The following SH2D2A variants were observed in gnomAD, a reference collection of about 807,000 sequenced individuals.
The protein encoded by SH2D2A is SH2 domain containing 2A, also known as SH2 domain-containing protein 2A.
In SH2D2A, 33 loss-of-function variants were observed where a neutral mutation model predicts 43.6. The ratio of observed to expected loss-of-function variants is 0.76; its 90% CI spans 0.57 to 1.01. The LOEUF (loss-of-function observed/expected upper bound fraction) is 1.01, where lower values mean the gene tolerates loss of function less well. Among genes scored for constraint, SH2D2A ranks in the 50% least tolerant of loss-of-function variants. The pLI is 0.00. For synonymous variants in SH2D2A, 212 were observed against 206.1 expected (o/e 1.03, Z -0.25); for missense variants, 491 against 503.1 (o/e 0.98, Z 0.23).
intron 1 of SH2D2A, 32 bp downstream of exon 1, chr1:156,816,643 C>T (rs752878520): frequency 5.0e-6 from 8 of 1,594,356 alleles, no homozygotes; most frequent in Non-Finnish European, 6.8e-6. Context: ...TTTGTGCCCC[C>T]TCCCACCCAT....
At chr1:156,815,895 C>T (rs1287949868) in intron 2 of SH2D2A, 111 bp downstream of exon 2, 1 of 1,613,250 alleles carries the variant, frequency 6.2e-7, no homozygotes, top group African/African-American at 1.3e-5. Flanking sequence ...AGACCCGGAT[C>T]ATTCCTGCCT....
rs759515336 is a variant in SH2D2A at position 156,813,933 on chromosome 1, G to A, written c.482C>T (p.Ala161Val). The change falls in exon 5 of 9, where the codon GCG (alanine) becomes GTG (valine). Residue 161 changes from alanine to valine, a missense_variant. Ala to Val is a moderately conservative substitution (Grantham distance 64, BLOSUM62 0). Transcript: ENST00000368199. ...HVVLGEDSAH[A>V]RLQDLLLHYT... Reference sequence around the variant, plus strand: ...GTGCAGCAGCAGGTCCTGCAGCCGCGCGTGGGCGCTGTCCTCGCCCAGCAC... The same window carrying A: ...GTGCAGCAGCAGGTCCTGCAGCCGCACGTGGGCGCTGTCCTCGCCCAGCAC... 1.8e-5 allele frequency: 27 copies of A among 1,535,740 alleles called. No individual in the cohort carries two copies. In the Admixed American group the frequency reaches 4.9e-4, roughly 28 times the overall value.
intron 2 of SH2D2A, 53 bp downstream of exon 2, chr1:156,815,953 G>A (rs1279597292): frequency 1.3e-6 from 2 of 1,568,736 alleles, no homozygotes; most frequent in South Asian, 1.1e-5. Context: ...CCCATGGGAG[G>A]GTGGGAGAGA....
intron 3 of SH2D2A, 21 bp downstream of exon 3, chr1:156,815,016 A>G (rs1653757888): frequency 6.9e-7 from 1 of 1,451,872 alleles, no homozygotes; most frequent in Non-Finnish European, 9.1e-7. Flanking sequence ...GTCTGGGCCA[A>G]TTTCCTCCTC....
In SH2D2A at chr1:156,809,804, G is replaced by A. The variant is rs779097290; in HGVS notation, c.571C>T (p.Pro191Ser). The change falls in exon 6 of 9, where the codon CCT (proline) becomes TCT (serine). Residue 191 changes from proline (P) to serine (S), a missense_variant. Transcript: ENST00000368199. The surrounding 1 kb of genome is among the most constrained non-coding windows in gnomAD (Gnocchi z 4.8). The part of the protein sequence containing the change: ...TLTEPLARQT[P>S]EPAGLSLRTE... Reference sequence around the variant, plus strand: ...CTCAGGGAAAGTCCTGCAGGCTCAGGAGTCTGCTGGGAAAGAAGGAGGTCT... The same window carrying A: ...CTCAGGGAAAGTCCTGCAGGCTCAGAAGTCTGCTGGGAAAGAAGGAGGTCT... 1 of 1,613,834 alleles carries A rather than the reference G, an allele frequency of 6.2e-7. No homozygotes were observed. The highest frequency in any genetic ancestry group is 8.5e-7 in the Non-Finnish European group (1 of 1,179,886).
Position 156,807,450 on chromosome 1 carries a change from A to G in SH2D2A, c.1003-105T>C. 2 of 965,298 alleles carry G rather than the reference A, an allele frequency of 2.1e-6. No homozygotes were observed. Among genetic ancestry groups the G allele is most frequent in the African/African-American group, 3.3e-5 (2 of 60,588 alleles). The allele number at this position is 965,298 out of a possible 1,614,324, so 59.8% of individuals were successfully genotyped here. A position where few individuals can be genotyped will look rare whatever the true frequency, so the allele number is the denominator to read the frequency against. On this transcript the variant is annotated intron_variant, in intron 7 of 8. Transcript: ENST00000368199. The surrounding 1 kb of genome is among the most constrained non-coding windows in gnomAD (Gnocchi z 5.1). ...TCTGAACAGACTTTGGCTTCCAGAG[A>G]GGGTATCTAAACTCCTCTCATTCAT...
intron 2 of SH2D2A, 28 bp from the exon 3 acceptor site, chr1:156,815,249 G>A: frequency 6.9e-7 from 1 of 1,444,388 alleles, no homozygotes; most frequent in Non-Finnish European, 9.2e-7. Context: ...TCAAGGAGGG[G>A]GAAGCAGCAT....
rs1210151348 is a variant in SH2D2A at position 156,807,202 on chromosome 1, C to G, written c.1146G>C (p.Trp382Cys). 2 of 1,612,570 alleles carry G rather than the reference C, an allele frequency of 1.2e-6. No homozygotes were observed. Among genetic ancestry groups the G allele is most frequent in the Non-Finnish European group, 1.7e-6 (2 of 1,179,842 alleles). ...RQVLQDRGQA[W>C]LPLGPPQ ...CCTACTGAGGAGGCCCAAGGGGAAG[C>G]CATGCCTGTCCTCTGTCCTGAAGCA... The change falls in exon 8 of 9, where the codon TGG (tryptophan) becomes TGC (cysteine). Residue 382 changes from tryptophan to cysteine, a missense_variant. By Grantham distance (215) the Trp-to-Cys change is radical. Coordinates refer to ENST00000368199, the MANE Select transcript of SH2D2A (RefSeq NM_003975.4). The surrounding 1 kb of genome is among the most constrained non-coding windows in gnomAD (Gnocchi z 5.1).
In SH2D2A at chr1:156,809,735, G is replaced by A. The variant is rs1395189813; in HGVS notation, c.640C>T (p.Pro214Ser). Residue 214 changes from proline to serine, a missense_variant, in exon 6 of 9, where the codon CCC becomes TCC. Coordinates refer to ENST00000368199, the MANE Select transcript of SH2D2A (RefSeq NM_003975.4). This position sits in a 1 kb window ranked among gnomAD's most constrained non-coding sequence, Gnocchi z 4.8. The stretch of plus-strand genomic sequence containing the variant: ...TGTTTGATGATTGGGCTGTACTGGG[G>A]GTTTGGGTCCTGGCTTTTGCTTCCA... ...NFGSKSQDPN[P>S]QYSPIIKQGQ... 4 of 1,614,004 alleles carry A rather than the reference G, an allele frequency of 2.5e-6. No individual in the cohort carries two copies. The highest frequency in any genetic ancestry group is 3.4e-6 in the Non-Finnish European group (4 of 1,180,012).
rs1019025114 is a variant in SH2D2A at position 156,807,778 on chromosome 1, G to A, written c.1003-433C>T. Reference sequence around the variant, plus strand: ...AGTTGCTATAGGCAGAGATACTGGCGGGTGCAAACCCCAGGAGGCTTGAAA... The same window carrying A: ...AGTTGCTATAGGCAGAGATACTGGCAGGTGCAAACCCCAGGAGGCTTGAAA... On this transcript the variant is annotated intron_variant, in intron 7 of 8. Coordinates refer to ENST00000368199, the MANE Select transcript of SH2D2A (RefSeq NM_003975.4). This position sits in a 1 kb window ranked among gnomAD's most constrained non-coding sequence, Gnocchi z 5.1. Among the ~76,000 whole-genome samples, 1 of 152,190 alleles carries A rather than the reference G, an allele frequency of 6.6e-6. No homozygotes were observed. The highest frequency in any genetic ancestry group is 2.1e-4 in the South Asian group (1 of 4,830).
chr1:156,808,233 G>A (rs1464047735), intron 7 of SH2D2A, among the ~76,000 whole-genome samples: 1 of 152,152 alleles, frequency 6.6e-6, no homozygotes, highest in African/African-American at 2.4e-5. Context: ...GGAGTAAAGA[G>A]GGAGCTGTGC....
chr1:156,814,967 C>A, intron 3 of SH2D2A, 70 bp downstream of exon 3: 2 of 1,324,900 alleles, frequency 1.5e-6, no homozygotes, highest in South Asian at 1.8e-5. Flanking sequence ...CTATTCCTGG[C>A]AGGTGGCAGG....
chr1:156,808,549 G>T (rs1446084588), intron 7 of SH2D2A, among the ~76,000 whole-genome samples: 3 of 152,140 alleles, frequency 2.0e-5, no homozygotes, highest in East Asian at 3.9e-4. Flanking sequence ...ATGGGGAAGG[G>T]TCTGAGGAGG....
chr1:156,807,795 G>A lies in SH2D2A; in HGVS notation c.1003-450C>T, dbSNP rs1484101198. ...ATACTGGCGGGTGCAAACCCCAGGAGGCTTGAAACCACTTGGTGAGTTTAG... is the reference window on the plus strand; with the variant it reads ...ATACTGGCGGGTGCAAACCCCAGGAAGCTTGAAACCACTTGGTGAGTTTAG... On this transcript the variant is annotated intron_variant, in intron 7 of 8. Transcript: ENST00000368199. The surrounding 1 kb of genome is among the most constrained non-coding windows in gnomAD (Gnocchi z 5.1). Among the ~76,000 whole-genome samples the A allele has an allele frequency of 1.3e-5, 2 of 152,202 alleles. No homozygotes were observed. Among genetic ancestry groups the A allele is most frequent in the African/African-American group, 4.8e-5 (2 of 41,446 alleles).
Position 156,807,371 on chromosome 1 carries a change from T to G in SH2D2A, c.1003-26A>C. The G allele has an allele frequency of 6.7e-7, 1 of 1,488,412 alleles. No homozygotes were observed. The highest frequency in any genetic ancestry group is 1.8e-4 in the Middle Eastern group (1 of 5,698). 92.2% of individuals were successfully genotyped at this position (1,488,412 alleles called of 1,614,324 possible). A position where few individuals can be genotyped will look rare whatever the true frequency, so the allele number is the denominator to read the frequency against. ...CTGCAGAGAGAAGGACAGTTCTAGG[T>G]CACACCCTCTACCCTCTGCCTCCTA... is the stretch of plus-strand genomic sequence containing the variant. On this transcript the variant is annotated intron_variant, in intron 7 of 8. Transcript: ENST00000368199. The surrounding 1 kb of genome is among the most constrained non-coding windows in gnomAD (Gnocchi z 5.1).
chr1:156,807,851 G>A lies in SH2D2A; in HGVS notation c.1003-506C>T, dbSNP rs1321140094. 6.6e-6 allele frequency among the ~76,000 whole-genome samples: 1 copy of A among 152,228 alleles called. No homozygotes were observed. The highest frequency in any genetic ancestry group is 2.4e-5 in the African/African-American group (1 of 41,450). On this transcript the variant is annotated intron_variant, in intron 7 of 8. Coordinates refer to ENST00000368199, the MANE Select transcript of SH2D2A (RefSeq NM_003975.4). This position sits in a 1 kb window ranked among gnomAD's most constrained non-coding sequence, Gnocchi z 5.1. Reference sequence around the variant, plus strand: ...TGTGAATCATTCTAGGAGAATGGGAGTGGCTGGTGGTAAGGCTAAGGAGGT... The same window carrying A: ...TGTGAATCATTCTAGGAGAATGGGAATGGCTGGTGGTAAGGCTAAGGAGGT...
At chr1:156,814,355 C>T (rs746969200) in intron 3 of SH2D2A, 61 bp from the exon 4 acceptor site, 6 of 1,572,500 alleles carry the variant, frequency 3.8e-6, no homozygotes, top group Non-Finnish European at 4.3e-6. Flanking sequence ...TCGCCTCTGT[C>T]TCCCCGGCTC....
At chr1:156,816,207 G>T in intron 1 of SH2D2A, 113 bp from the exon 2 acceptor site, 1 of 1,456,584 alleles carries the variant, frequency 6.9e-7, no homozygotes, top group Non-Finnish European at 9.1e-7. Flanking sequence ...CAGTCTTAAC[G>T]ACAGGAAAAA....
intron 3 of SH2D2A, chr1:156,814,792 G>T: frequency 2.3e-6 from 1 of 430,422 alleles, no homozygotes. Context: ...GAGGATAATG[G>T]GGCCTAGAGA....
Sources: allele counts gnomAD v4.1 joint callset (sites outside exome capture counted in the v4.1 genomes callset), GRCh38; gene constraint gnomAD v4.1.1; non-coding constraint Gnocchi (gnomAD v3.1); transcripts MANE v1.5; gene names NCBI Gene and HGNC (gene_info 2026-07-23, HGNC 2026-07-21).